LPP: variants seen among roughly 807,000 people sequenced by gnomAD.
LPP encodes the protein lipoma-preferred partner.
LPP carries 38 observed loss-of-function variants against 60.4 expected under a neutral mutation model. The observed-to-expected ratio is 0.63, with a 90% CI of 0.49 to 0.83. The LOEUF (loss-of-function observed/expected upper bound fraction) is 0.83. Among genes scored for constraint, LPP ranks in the 40% least tolerant of loss-of-function variants. The pLI is 0.00. For synonymous variants in LPP, 328 were observed against 290.8 expected (o/e 1.13, Z -1.30); for missense variants, 902 against 783.6 (o/e 1.15, Z -1.80).
At chr3:188,700,044 T>C (rs2149574447) in intron 7 of LPP, among the ~76,000 whole-genome samples, 1 of 152,288 alleles carries the variant, frequency 6.6e-6, no homozygotes, top group East Asian at 1.9e-4. Context: ...AATTTCAATG[T>C]TTCTTTTTTT....
intron 3 of LPP, among the ~76,000 whole-genome samples, chr3:188,374,206 C>T (rs999196722): frequency 7.2e-5 from 11 of 151,836 alleles, no homozygotes; most frequent in African/African-American, 2.2e-4. Context: ...TTTTTGGTTC[C>T]AGATGAACTT....
chr3:188,860,970 C>A lies in LPP; in HGVS notation c.1411-5230C>A, dbSNP rs113068405. On this transcript the variant is annotated intron_variant, in intron 9 of 11. Coordinates refer to ENST00000617246, the MANE Select transcript of LPP (RefSeq NM_001375462.1). ...CTCCATTGGACAGAGAATTAGGAGA[C>A]CTTTATTGTAACTCCCAATCTGTCA... Among the ~76,000 whole-genome samples, 154 of 152,170 alleles carry A rather than the reference C, an allele frequency of 1.0e-3. 1 individual carries two copies. Among genetic ancestry groups the A allele is most frequent in the African/African-American group, 3.6e-3 (149 of 41,464 alleles).
At position 188,788,471 on chromosome 3, in the gene LPP, T is replaced by G. The variant is rs1049348366; in HGVS notation, c.1410+28189T>G. ...TCAAGTATGTGTGATTCTTGTGCCT[T>G]ATCCTCCCCATCATCCTGTAATAGC... On this transcript the variant is annotated intron_variant, in intron 9 of 11. Coordinates refer to ENST00000617246, the MANE Select transcript of LPP (RefSeq NM_001375462.1). Among the ~76,000 whole-genome samples the G allele has an allele frequency of 2.6e-5, 4 of 152,220 alleles. No individual in the cohort carries two copies. The South Asian group carries it at 8.3e-4, about 32-fold the overall frequency.
At chr3:188,660,382 A>G (rs528610632) in intron 7 of LPP, among the ~76,000 whole-genome samples, 7 of 152,350 alleles carry the variant, frequency 4.6e-5, no homozygotes, top group East Asian at 1.9e-4. Flanking sequence ...TAATGTGTAC[A>G]TGCTTTGAGG....
chr3:188,707,419 C>A (rs537187914), intron 7 of LPP, among the ~76,000 whole-genome samples: 1 of 152,160 alleles, frequency 6.6e-6, no homozygotes, highest in Non-Finnish European at 1.5e-5. Flanking sequence ...AACCTGGCCG[C>A]GCCAAAGCCC....
intron 6 of LPP, among the ~76,000 whole-genome samples, chr3:188,548,090 C>A (rs1827143161): frequency 6.6e-6 from 1 of 152,104 alleles, no homozygotes. Context: ...CTGATCCTAG[C>A]GTAAATTCCT....
rs544354139 is a variant in LPP at position 188,423,458 on chromosome 3, C to T, written c.193+17145C>T. The stretch of plus-strand genomic sequence containing the variant: ...TGATTTATAATCCTTTGGGTGTATA[C>T]CCAGTAATGGGATCGCTGGGTCAAA... On this transcript the variant is annotated intron_variant, in intron 4 of 11. Transcript: ENST00000617246. Among the ~76,000 whole-genome samples, 3 of 152,152 alleles carry T rather than the reference C, an allele frequency of 2.0e-5. No homozygotes were observed. In the East Asian group the frequency reaches 5.8e-4, roughly 29 times the overall value.
At chr3:188,224,831 G>A (rs192096754) in intron 1 of LPP, among the ~76,000 whole-genome samples, 25 of 152,142 alleles carry the variant, frequency 1.6e-4, no homozygotes, top group Non-Finnish European at 1.2e-4. Flanking sequence ...TGAGAAATCC[G>A]CCCCCATCAT....
At chr3:188,558,453 A>G (rs1334189055) in intron 6 of LPP, among the ~76,000 whole-genome samples, 1 of 152,068 alleles carries the variant, frequency 6.6e-6, no homozygotes, top group African/African-American at 2.4e-5. Context: ...GACACTTGTC[A>G]CATATATACC....
Position 188,338,535 on chromosome 3 carries a change from A to G in LPP, c.-66-3128A>G, listed in dbSNP as rs146660551. Among the ~76,000 whole-genome samples the G allele has an allele frequency of 3.3e-4, 51 of 152,380 alleles. 2 individuals are homozygous for G. In the East Asian group the frequency reaches 9.8e-3, roughly 29 times the overall value. ...GTGGTTTTGGGATAACTGTGAAAAG[A>G]GAAACACAGAATGTGTATTTTATGC... On this transcript the variant is annotated intron_variant, in intron 2 of 11. Coordinates refer to ENST00000617246, the MANE Select transcript of LPP (RefSeq NM_001375462.1).
intron 10 of LPP, among the ~76,000 whole-genome samples, chr3:188,868,644 G>A (rs1380332324): frequency 2.0e-5 from 3 of 152,140 alleles, no homozygotes; most frequent in Non-Finnish European, 2.9e-5. Context: ...AAAATTACTA[G>A]AATACAAAGC....
At position 188,359,655 on chromosome 3, in the gene LPP, T is replaced by C. The variant is rs373892029; in HGVS notation, c.-10+17936T>C. ...AGTGGAGTCAGGATTATTAATCTCT[T>C]CCTCTATACGTGAGGACAGTGAATC... On this transcript the variant is annotated intron_variant, in intron 3 of 11. Coordinates refer to ENST00000617246, the MANE Select transcript of LPP (RefSeq NM_001375462.1). 6.6e-5 allele frequency among the ~76,000 whole-genome samples: 10 copies of C among 152,260 alleles called. No homozygotes were observed. The East Asian group carries it at 1.9e-3, about 29-fold the overall frequency.
At chr3:188,722,544 A>AT (rs1716857797) in intron 8 of LPP, among the ~76,000 whole-genome samples, 1 of 152,146 alleles carries the variant, frequency 6.6e-6, no homozygotes, top group Admixed American at 6.5e-5. Flanking sequence ...TCCTTAGAGT[A>AT]TTTTGTTATA....
intron 4 of LPP, among the ~76,000 whole-genome samples, chr3:188,479,670 A>G (rs1191562965): frequency 6.6e-6 from 1 of 152,258 alleles, no homozygotes; most frequent in Non-Finnish European, 1.5e-5. Flanking sequence ...GGGAGTGATC[A>G]TAACACACAA....
At chr3:188,235,728 C>T (rs1024299114) in intron 2 of LPP, among the ~76,000 whole-genome samples, 6 of 152,238 alleles carry the variant, frequency 3.9e-5, no homozygotes, top group South Asian at 4.1e-4. Context: ...ATGATTTGTA[C>T]GTTTCTTTTC....
At position 188,883,108 on chromosome 3, in the gene LPP, G is replaced by C; in HGVS notation, c.*8629G>C. On this transcript the variant is annotated 3_prime_UTR_variant, in exon 12 of 12. Coordinates refer to ENST00000617246, the MANE Select transcript of LPP (RefSeq NM_001375462.1). Reference sequence around the variant, plus strand: ...GCTACACGACTTTAAAACAGAGCCAGCCTTTGGGGCATATGTTCTCTTTGG... The same window carrying C: ...GCTACACGACTTTAAAACAGAGCCACCCTTTGGGGCATATGTTCTCTTTGG... 4.6e-6 allele frequency: 1 copy of C among 216,644 alleles called. No individual in the cohort carries two copies. The highest frequency in any genetic ancestry group is 9.3e-6 in the Non-Finnish European group (1 of 107,570). The allele number at this position is 216,644 out of a possible 1,614,324, so 13.4% of individuals were successfully genotyped here.
At chr3:188,734,895 A>T (rs1721954258) in intron 8 of LPP, among the ~76,000 whole-genome samples, 1 of 152,194 alleles carries the variant, frequency 6.6e-6, no homozygotes, top group Non-Finnish European at 1.5e-5. Flanking sequence ...CCCTTCTTGA[A>T]ATTGGAGACA....
chr3:188,765,286 C>T (rs1733645861), intron 9 of LPP, among the ~76,000 whole-genome samples: 1 of 140,476 alleles, frequency 7.1e-6, no homozygotes, highest in African/African-American at 2.7e-5. Context: ...GTCTCTCTTT[C>T]TGTCTCACAC....
chr3:188,240,372 TGTGTGA>T (rs1452136007), intron 2 of LPP, among the ~76,000 whole-genome samples: 2 of 146,716 alleles, frequency 1.4e-5, no homozygotes, highest in Admixed American at 6.7e-5. Flanking sequence ...TGTGTGTGTG[TGTGTGA>T]GAGAGAGACA....
Sources: allele counts gnomAD v4.1 joint callset (sites outside exome capture counted in the v4.1 genomes callset), GRCh38; gene constraint gnomAD v4.1.1; transcripts MANE v1.5; gene names NCBI Gene and HGNC (gene_info 2026-07-23, HGNC 2026-07-21).